UBE2H: variants seen among roughly 807,000 people sequenced by gnomAD.
The protein encoded by UBE2H is ubiquitin-conjugating enzyme E2 H.
A neutral mutation model predicts 29.0 loss-of-function variants in UBE2H; 3 were observed. The ratio of observed to expected loss-of-function variants is 0.10; its 90% CI spans 0.05 to 0.27. UBE2H has a LOEUF of 0.27. Among genes scored for constraint, UBE2H ranks in the 10% least tolerant of loss-of-function variants. The probability of loss-of-function intolerance (pLI) is 1.00; values close to 1 mark genes in which losing one functional copy is unlikely to be tolerated. For missense variants in UBE2H, 68 were observed against 228.2 expected (o/e 0.30, Z 4.52); for synonymous variants, 69 against 82.9 (o/e 0.83, Z 0.91).
In UBE2H at chr7:129,858,997, T is replaced by C; in HGVS notation, c.206-56A>G. On this transcript the variant is annotated intron_variant, in intron 3 of 6. Coordinates refer to ENST00000355621, the MANE Select transcript of UBE2H (RefSeq NM_003344.4). ...AAGTATCCAGAGAACAATAAAAGTATTTCAGTACTGGAAACAATTTCAGTA... is the reference window on the plus strand; with the variant it reads ...AAGTATCCAGAGAACAATAAAAGTACTTCAGTACTGGAAACAATTTCAGTA... 19 of 1,429,342 alleles carry C rather than the reference T, an allele frequency of 1.3e-5. No individual in the cohort carries two copies. The South Asian group carries it at 2.1e-4, about 16-fold the overall frequency. The allele number at this position is 1,429,342 out of a possible 1,614,324, so 88.5% of individuals were successfully genotyped here. A position where few individuals can be genotyped will look rare whatever the true frequency, so the allele number is the denominator to read the frequency against.
intron 1 of UBE2H, among the ~76,000 whole-genome samples, chr7:129,940,115 A>G (rs1807612316): frequency 6.6e-6 from 1 of 152,202 alleles, no homozygotes; most frequent in African/African-American, 2.4e-5. Flanking sequence ...CGCACTCTGT[A>G]TCTAGTTTTC....
chr7:129,874,778 G>T (rs559138486), intron 3 of UBE2H, among the ~76,000 whole-genome samples: 2 of 152,090 alleles, frequency 1.3e-5, no homozygotes, highest in African/African-American at 4.8e-5. Flanking sequence ...AAAAGAAAAA[G>T]GTGAGAAGTA....
intron 3 of UBE2H, among the ~76,000 whole-genome samples, chr7:129,861,571 G>A (rs1805804110): frequency 6.6e-6 from 1 of 152,066 alleles, no homozygotes; most frequent in African/African-American, 2.4e-5. Flanking sequence ...TAATAGTTGA[G>A]CTTAAAAAAA....
chr7:129,932,773 C>CAAAA (rs1208871059), intron 1 of UBE2H, among the ~76,000 whole-genome samples: 550 of 33,194 alleles, frequency 0.017, 9 homozygotes, highest in Non-Finnish European at 0.028. Flanking sequence ...GACTCCGTCT[C>CAAAA]AAAAAAAAAA....
At chr7:129,930,908 A>AC (rs1169345685) in intron 1 of UBE2H, among the ~76,000 whole-genome samples, 4,732 of 93,552 alleles carry the variant, frequency 0.051, 126 homozygotes, top group Non-Finnish European at 0.077. Flanking sequence ...ACCCCGTCTC[A>AC]CAAAAAAAAA....
rs146600501 is a variant in UBE2H at position 129,870,823 on chromosome 7, G to T, written c.205+8745C>A. Among the ~76,000 whole-genome samples, 8 of 151,858 alleles carry T rather than the reference G, an allele frequency of 5.3e-5. 1 individual carries two copies. The highest frequency in any genetic ancestry group is 6.3e-3 in the Middle Eastern group (2 of 316). ...GAGCCTTTAACCTGGCCTACAAAGC[G>T]GTCTGTGAACTCAACCCTGCCTGCC... On this transcript the variant is annotated intron_variant, in intron 3 of 6. Transcript: ENST00000355621.
chr7:129,950,278 C>T (rs1022037812), intron 1 of UBE2H, among the ~76,000 whole-genome samples: 1 of 152,102 alleles, frequency 6.6e-6, no homozygotes, highest in Non-Finnish European at 1.5e-5. Flanking sequence ...AATTTTAAAG[C>T]GCCTCTGCTT....
intron 3 of UBE2H, among the ~76,000 whole-genome samples, chr7:129,867,793 A>C (rs1805944636): frequency 6.6e-6 from 1 of 150,572 alleles, no homozygotes; most frequent in Admixed American, 6.6e-5. Context: ...AAAAAAAAAA[A>C]ACATCCTGAC....
At chr7:129,850,578 G>A (rs1805590556) in intron 5 of UBE2H, among the ~76,000 whole-genome samples, 1 of 152,190 alleles carries the variant, frequency 6.6e-6, no homozygotes. Context: ...AGTACTTTGG[G>A]AGGCCGAGGC....
chr7:129,948,612 G>A (rs1807810959), intron 1 of UBE2H, among the ~76,000 whole-genome samples: 1 of 152,090 alleles, frequency 6.6e-6, no homozygotes, highest in Non-Finnish European at 1.5e-5. Context: ...CCAGGAGTTG[G>A]GAGGCCAGCC....
intron 1 of UBE2H, among the ~76,000 whole-genome samples, chr7:129,900,544 T>C (rs917618641): frequency 6.6e-6 from 1 of 152,196 alleles, no homozygotes. Flanking sequence ...CCCATGTTTC[T>C]TCTTCCTCTC....
chr7:129,934,156 T>C (rs1807467054), intron 1 of UBE2H, among the ~76,000 whole-genome samples: 1 of 152,010 alleles, frequency 6.6e-6, no homozygotes, highest in African/African-American at 2.4e-5. Flanking sequence ...ACCCTATCTC[T>C]ACTAAAATTA....
intron 3 of UBE2H, among the ~76,000 whole-genome samples, chr7:129,869,918 C>T (rs773848425): frequency 5.9e-5 from 9 of 152,150 alleles, no homozygotes; most frequent in Non-Finnish European, 2.9e-5. Context: ...TCTAGTGGGT[C>T]GCTCCCCCAG....
rs1806841758 is a variant in UBE2H, at chr7:129,907,382, A to G, written c.54-26411T>C. 2.0e-5 allele frequency among the ~76,000 whole-genome samples: 3 copies of G among 152,320 alleles called. No homozygotes were observed. The South Asian group carries it at 6.2e-4, about 32-fold the overall frequency. Reference sequence around the variant, plus strand: ...ACTTTAAGGAAAGGCCAAGCAGTCAAGAAGGAATATGATGTCCAAGGAATA... The same window carrying G: ...ACTTTAAGGAAAGGCCAAGCAGTCAGGAAGGAATATGATGTCCAAGGAATA... On this transcript the variant is annotated intron_variant, in intron 1 of 6. Transcript: ENST00000355621.
intron 1 of UBE2H, among the ~76,000 whole-genome samples, chr7:129,922,343 T>C (rs1347924058): frequency 4.6e-5 from 7 of 151,906 alleles, no homozygotes; most frequent in Admixed American, 6.6e-5. Context: ...TGGAATGCAA[T>C]GGCATGATCT....
chr7:129,931,913 C>T (rs1016710969), intron 1 of UBE2H, among the ~76,000 whole-genome samples: 3 of 150,656 alleles, frequency 2.0e-5, no homozygotes, highest in African/African-American at 4.9e-5. Flanking sequence ...TCAGCTCCGC[C>T]TCCCAGGTTT....
At position 129,870,163 on chromosome 7, in the gene UBE2H, C is replaced by CA. The variant is rs1283037926; in HGVS notation, c.205+9404dup. ...GCTTGCACACATGTTCCCCTCTTCT[C>CA]AAACACCAGGCCTCTGGGTTCTGAT... On this transcript the variant is annotated intron_variant, in intron 3 of 6. Transcript: ENST00000355621. Among the ~76,000 whole-genome samples the CA allele has an allele frequency of 8.5e-5, 13 of 152,290 alleles. No individual in the cohort carries two copies. In the East Asian group the frequency reaches 1.9e-3, roughly 23 times the overall value.
chr7:129,871,909 C>T (rs1465286733), intron 3 of UBE2H, among the ~76,000 whole-genome samples: 1 of 152,078 alleles, frequency 6.6e-6, no homozygotes. Context: ...TGTAGCAGCG[C>T]CATCTCAGCT....
intron 1 of UBE2H, chr7:129,948,905 G>C (rs1021705618): frequency 1.8e-5 from 7 of 381,058 alleles, no homozygotes; most frequent in Non-Finnish European, 3.8e-5. Context: ...CCACTCAGAG[G>C]GCCTCCCCAG....
Sources: gnomAD v4.1 joint callset for allele counts (sites outside exome capture counted in the v4.1 genomes callset) on GRCh38, gnomAD v4.1.1 for gene constraint, MANE v1.5 for transcripts, NCBI Gene and HGNC (gene_info 2026-07-23, HGNC 2026-07-21) for gene names.